Variants in HNRNPD observed in about 807,000 individuals in gnomAD.
The protein encoded by HNRNPD is heterogeneous nuclear ribonucleoprotein D0.
In HNRNPD, 3 loss-of-function variants were observed where a neutral mutation model predicts 47.9. The ratio of observed to expected loss-of-function variants is 0.06; its 90% CI spans 0.03 to 0.16. The LOEUF (loss-of-function observed/expected upper bound fraction) is 0.16. Ranked by LOEUF, HNRNPD falls within the 10% of genes least tolerant of loss-of-function variation. The pLI is 1.00. For synonymous variants in HNRNPD, 171 were observed against 165.1 expected, an observed-to-expected ratio of 1.04 and a Z score of -0.28; for missense variants, 287 against 454.2, an observed-to-expected ratio of 0.63 and a Z score of 3.35.
At position 82,357,297 on chromosome 4, in the gene HNRNPD, T is replaced by C. The variant is rs779031956; in HGVS notation, c.753+16A>G. On this transcript the variant is annotated intron_variant, in intron 5 of 8. Transcript: ENST00000313899. Reference sequence around the variant, plus strand: ...ACAGCTAGTTTTCTCTACAAGTAAATGGATGCTTAACTTACTTTACTAAGA... The same window carrying C: ...ACAGCTAGTTTTCTCTACAAGTAAACGGATGCTTAACTTACTTTACTAAGA... 6 of 1,599,794 alleles carry C rather than the reference T, an allele frequency of 3.8e-6. No individual in the cohort carries two copies. Among genetic ancestry groups the C allele is most frequent in the Non-Finnish European group, 2.6e-6 (3 of 1,174,922 alleles).
At position 82,373,674 on chromosome 4, in the gene HNRNPD, G is replaced by A; in HGVS notation, c.5C>T (p.Ser2Leu). ...CCCGTCCCCGCCGAACTGCTCCTCC[G>A]ACATAGTGCTAGTGTCTCCGCCGCT... M[S>L]EEQFGGDGAA... is the part of the protein sequence containing the mutation. The change falls in exon 1 of 9, where the codon TCG becomes TTG. Residue 2 changes from serine (S) to leucine (L), a missense_variant. By Grantham distance (145) the Ser-to-Leu change is moderately radical. Coordinates refer to ENST00000313899, the MANE Select transcript of HNRNPD (RefSeq NM_031370.3). The A allele has an allele frequency of 1.3e-6, 2 of 1,528,462 alleles. No individual in the cohort carries two copies. Among genetic ancestry groups the A allele is most frequent in the Non-Finnish European group, 1.7e-6 (2 of 1,144,420 alleles). The allele number at this position is 1,528,462 out of a possible 1,614,324, so 94.7% of individuals were successfully genotyped here.
At chr4:82,365,088 G>A (rs751285134) in intron 2 of HNRNPD, among the ~76,000 whole-genome samples, 8 of 152,000 alleles carry the variant, frequency 5.3e-5, no homozygotes, top group Non-Finnish European at 7.4e-5. Flanking sequence ...ACGAGATCTT[G>A]CTCTGTTACC....
chr4:82,357,284 C>T (rs749829535), intron 5 of HNRNPD, 29 bp downstream of exon 5: 10 of 1,587,814 alleles, frequency 6.3e-6, no homozygotes, highest in Non-Finnish European at 8.6e-6. Flanking sequence ...AGCTAGTTTT[C>T]TCTACAAGTA....
At chr4:82,365,060 ATTTT>A (rs1719683393) in intron 2 of HNRNPD, among the ~76,000 whole-genome samples, 1 of 152,068 alleles carries the variant, frequency 6.6e-6, no homozygotes, top group Non-Finnish European at 1.5e-5. Context: ...ACTTCGTATT[ATTTT>A]TACTTTTTTA....
At chr4:82,367,965 C>CTGT (rs1312039485) in intron 2 of HNRNPD, among the ~76,000 whole-genome samples, 1 of 152,172 alleles carries the variant, frequency 6.6e-6, no homozygotes, top group Non-Finnish European at 1.5e-5. Flanking sequence ...TGAAACCACA[C>CTGT]TGTTGGAAGT....
intron 2 of HNRNPD, among the ~76,000 whole-genome samples, chr4:82,367,304 G>C (rs564095426): frequency 4.1e-4 from 63 of 152,144 alleles, no homozygotes; most frequent in African/African-American, 1.3e-3. Flanking sequence ...TTAAGGAATA[G>C]GTATTTTCCT....
rs577681140 is a variant in HNRNPD at position 82,368,561 on chromosome 4, T to A, written c.290+2967A>T. On this transcript the variant is annotated intron_variant, in intron 2 of 8. Coordinates refer to ENST00000313899, the MANE Select transcript of HNRNPD (RefSeq NM_031370.3). ...ATTTACAGTGAGAAGTATTTAATAC[T>A]CTTCGCTTAAATGTTCATCTAAAGA... Among the ~76,000 whole-genome samples the A allele has an allele frequency of 9.4e-4, 143 of 152,342 alleles. 1 individual carries two copies. The highest frequency in any genetic ancestry group is 3.2e-3 in the African/African-American group (135 of 41,580).
intron 2 of HNRNPD, 151 bp downstream of exon 2, chr4:82,371,377 A>G: frequency 3.9e-6 from 2 of 517,702 alleles, no homozygotes; most frequent in Non-Finnish European, 6.7e-6. Context: ...CATGATGCCT[A>G]TAAAAGGTAT....
intron 2 of HNRNPD, among the ~76,000 whole-genome samples, chr4:82,363,951 A>G (rs1719617418): frequency 1.3e-5 from 2 of 152,188 alleles, no homozygotes; most frequent in South Asian, 2.1e-4. Flanking sequence ...TAGAGGCAAT[A>G]AAGACAAAAT....
chr4:82,364,228 A>T (rs1206716241), intron 2 of HNRNPD, among the ~76,000 whole-genome samples: 3 of 152,122 alleles, frequency 2.0e-5, no homozygotes, highest in Non-Finnish European at 4.4e-5. Flanking sequence ...CAGCCTCCCA[A>T]AGTGCTGGAA....
intron 2 of HNRNPD, among the ~76,000 whole-genome samples, chr4:82,362,946 A>C (rs1719549330): frequency 6.6e-6 from 1 of 151,998 alleles, no homozygotes; most frequent in Non-Finnish European, 1.5e-5. Flanking sequence ...TGCTTATCTT[A>C]ATTATGGATA....
chr4:82,368,580 C>T (rs1719879187), intron 2 of HNRNPD, among the ~76,000 whole-genome samples: 1 of 152,136 alleles, frequency 6.6e-6, no homozygotes, highest in African/African-American at 2.4e-5. Flanking sequence ...AAATGTTCAT[C>T]TAAAGATCTG....
At chr4:82,371,496 T>A (rs767662604) in intron 2 of HNRNPD, 32 bp downstream of exon 2, 1 of 1,563,114 alleles carries the variant, frequency 6.4e-7, no homozygotes, top group Admixed American at 1.7e-5. Context: ...CTGAAACCTT[T>A]ATAATACAGA....
intron 3 of HNRNPD, 62 bp from the exon 4 acceptor site, chr4:82,358,882 A>T: frequency 8.2e-7 from 1 of 1,212,378 alleles, no homozygotes; most frequent in East Asian, 2.5e-5. Context: ...AGAGACTATT[A>T]ACTTACTTAA....
At chr4:82,360,704 A>C (rs1335229211) in intron 2 of HNRNPD, among the ~76,000 whole-genome samples, 1 of 152,108 alleles carries the variant, frequency 6.6e-6, no homozygotes, top group Non-Finnish European at 1.5e-5. Flanking sequence ...TCAGCTCTAT[A>C]AAGAAATTAA....
chr4:82,368,519 T>G (rs557796772), intron 2 of HNRNPD, among the ~76,000 whole-genome samples: 1 of 152,336 alleles, frequency 6.6e-6, no homozygotes, highest in South Asian at 2.1e-4. Context: ...TTTTAGTATC[T>G]TTCATAATAG....
rs756402052 is a variant in HNRNPD at position 82,359,498 on chromosome 4, T to C, written c.432A>G (p.Leu144=). ...TATCTACACTCTCCGATTCTTTAAA[T>C]AGCACAAAGCCAAAACCCCTTGATC... ...TGRSRGFGFV[L]FKESESVDKV... The change falls in exon 3 of 9, where the codon CTA becomes CTG. Residue 144 remains leucine (L), a synonymous_variant. Transcript: ENST00000313899. 35 of 1,590,952 alleles carry C rather than the reference T, an allele frequency of 2.2e-5. No homozygotes were observed. The highest frequency in any genetic ancestry group is 2.9e-5 in the Non-Finnish European group (34 of 1,162,874).
At position 82,373,513 on chromosome 4, in the gene HNRNPD, T is replaced by A. The variant is rs1039252006; in HGVS notation, c.166A>T (p.Thr56Ser). The A allele has an allele frequency of 3.2e-6, 5 of 1,545,642 alleles. No homozygotes were observed. In the African/African-American group the frequency reaches 5.6e-5, roughly 17 times the overall value. The change falls in exon 1 of 9, where the codon ACC becomes TCC. Residue 56 changes from threonine (T) to serine (S), a missense_variant. Coordinates refer to ENST00000313899, the MANE Select transcript of HNRNPD (RefSeq NM_031370.3). ...TCCGACTCGGCGCTGCCCCCTTCGG[T>A]GCCTCCAGACGCGGTTCCGCCCCCG... ...GTGGGTASGG[T>S]EGGSAESEGA...
At chr4:82,372,948 C>A (rs574920591) in intron 1 of HNRNPD, among the ~76,000 whole-genome samples, 2 of 152,218 alleles carry the variant, frequency 1.3e-5, no homozygotes, top group South Asian at 4.1e-4. Flanking sequence ...GGACAGCCTA[C>A]GCGTTCCCCA....
Sources: gnomAD v4.1 joint callset for allele counts (sites outside exome capture counted in the v4.1 genomes callset) on GRCh38, gnomAD v4.1.1 for gene constraint, MANE v1.5 for transcripts, NCBI Gene and HGNC (gene_info 2026-07-23, HGNC 2026-07-21) for gene names.